The following IL1RAPL1 variants were observed in gnomAD, a reference collection of about 807,000 sequenced individuals.
IL1RAPL1 encodes the protein interleukin-1 receptor accessory protein-like 1.
In IL1RAPL1, 3 loss-of-function variants were observed where a neutral mutation model predicts 48.4. The ratio of observed to expected loss-of-function variants is 0.06; its 90% CI spans 0.03 to 0.16. IL1RAPL1 has a LOEUF of 0.16. IL1RAPL1 is among the 10% of genes least tolerant of loss of function. IL1RAPL1 has a pLI of 1.00. For missense variants in IL1RAPL1, 349 were observed against 530.6 expected (o/e 0.66, Z 3.36); for synonymous variants, 185 against 187.7 (o/e 0.99, Z 0.12).
At chrX:29,928,403 CCTT>C (rs141905634) in intron 8 of IL1RAPL1, among the ~76,000 whole-genome samples, 5,745 of 111,749 alleles carry the variant, frequency 0.051, 138 homozygotes, top group Middle Eastern at 0.083. Flanking sequence ...CCTCACTCCT[CCTT>C]CTCAGAACCA....
At chrX:29,562,087 ATCTGTCT>A (rs1267409470) in intron 5 of IL1RAPL1, among the ~76,000 whole-genome samples, 855 of 75,503 alleles carry the variant, frequency 0.011, 18 homozygotes, top group African/African-American at 0.045. Flanking sequence ...TATCTAATCT[ATCTGTCT>A]ATCTATCTAT....
intron 6 of IL1RAPL1, among the ~76,000 whole-genome samples, chrX:29,702,358 C>G (rs1182725122): frequency 9.0e-6 from 1 of 110,997 alleles, no homozygotes; most frequent in East Asian, 2.8e-4. Flanking sequence ...GAGGCTCACA[C>G]AATCACAGGA....
intron 2 of IL1RAPL1, among the ~76,000 whole-genome samples, chrX:28,800,653 T>A (rs1160305031): frequency 9.0e-6 from 1 of 110,543 alleles, no homozygotes; most frequent in Non-Finnish European, 1.9e-5. Context: ...GGAGAAAGTT[T>A]CAAAATGAAA....
chrX:29,779,143 C>A (rs772532643), intron 6 of IL1RAPL1, among the ~76,000 whole-genome samples: 5 of 111,679 alleles, frequency 4.5e-5, no homozygotes, highest in Admixed American at 3.8e-4. Context: ...ATGATAAAAT[C>A]GATGGGCATT....
intron 5 of IL1RAPL1, among the ~76,000 whole-genome samples, chrX:29,638,644 A>G (rs1227973047): frequency 8.9e-6 from 1 of 111,959 alleles, no homozygotes; most frequent in African/African-American, 3.2e-5. Context: ...TTTTGCAAAT[A>G]CATATGGTGG....
chrX:28,995,867 A>G (rs1925712419), intron 2 of IL1RAPL1, among the ~76,000 whole-genome samples: 1 of 110,121 alleles, frequency 9.1e-6, no homozygotes, highest in South Asian at 3.9e-4. Context: ...GTTAATGCAA[A>G]CTTCCACACA....
intron 3 of IL1RAPL1, among the ~76,000 whole-genome samples, chrX:29,310,083 G>A (rs1470382428): frequency 3.1e-5 from 2 of 63,963 alleles, no homozygotes; most frequent in Non-Finnish European, 5.3e-5. Context: ...GACAGAGCGA[G>A]ACTCCGTCTC....
At chrX:29,479,464 A>G (rs887068420) in intron 5 of IL1RAPL1, among the ~76,000 whole-genome samples, 1 of 106,999 alleles carries the variant, frequency 9.3e-6, no homozygotes, top group Non-Finnish European at 1.9e-5. Flanking sequence ...ATGTATAGGA[A>G]AGTAAATTTT....
intron 2 of IL1RAPL1, among the ~76,000 whole-genome samples, chrX:28,921,568 G>A (rs1923617943): frequency 9.0e-6 from 1 of 111,277 alleles, no homozygotes; most frequent in Admixed American, 9.6e-5. Context: ...GCTGTGGGCA[G>A]CTAGCTGAAA....
At chrX:29,689,028 T>C (rs1926708145) in intron 6 of IL1RAPL1, among the ~76,000 whole-genome samples, 1 of 111,495 alleles carries the variant, frequency 9.0e-6, no homozygotes. Context: ...TCTAACTCTT[T>C]GTAGTGAATT....
intron 2 of IL1RAPL1, among the ~76,000 whole-genome samples, chrX:29,167,516 A>G (rs191571372): frequency 5.4e-5 from 6 of 110,459 alleles, no homozygotes; most frequent in African/African-American, 2.0e-4. Context: ...TTTCTACTAT[A>G]TGATTCAAAA....
chrX:29,036,280 C>T (rs1277614759), intron 2 of IL1RAPL1, among the ~76,000 whole-genome samples: 1 of 112,319 alleles, frequency 8.9e-6, no homozygotes, highest in Non-Finnish European at 1.9e-5. Flanking sequence ...TTCTTATACT[C>T]TTTCCACCTG....
chrX:29,920,794 C>CAAAAAAAAAAAAAAAAAAAAAA (rs1176529100), intron 8 of IL1RAPL1, among the ~76,000 whole-genome samples: 6 of 31,636 alleles, frequency 1.9e-4, no homozygotes, highest in Non-Finnish European at 3.2e-4. Context: ...GACCCTGTCT[C>CAAAAAAAAAAAAAAAAAAAAAA]AAAAAAAAAA....
rs143440873 is a variant in IL1RAPL1, at chrX:28,667,297, C to G, written c.-25+79250C>G. Among the ~76,000 whole-genome samples, 434 of 112,212 alleles carry G rather than the reference C, an allele frequency of 3.9e-3. 2 individuals carry two copies. The highest frequency in any genetic ancestry group is 0.013 in the African/African-American group (416 of 30,917). On this transcript the variant is annotated intron_variant, in intron 1 of 10. Coordinates refer to ENST00000378993, the MANE Select transcript of IL1RAPL1 (RefSeq NM_014271.4). ...GTAAAATAATCTTTGTAAAATAGGT[C>G]ACAAACTGGGTCTGCCTGAATCTTA...
intron 2 of IL1RAPL1, among the ~76,000 whole-genome samples, chrX:29,163,439 G>A (rs1261756906): frequency 8.9e-6 from 1 of 111,824 alleles, no homozygotes; most frequent in African/African-American, 3.3e-5. Flanking sequence ...AGGAGTTTGT[G>A]CTTAAATTGA....
At chrX:29,129,078 T>C (rs184892696) in intron 2 of IL1RAPL1, among the ~76,000 whole-genome samples, 171 of 101,109 alleles carry the variant, frequency 1.7e-3, no homozygotes, top group Non-Finnish European at 3.0e-3. Flanking sequence ...AGTTTCACTC[T>C]TGTTGCCCAG....
At chrX:28,695,571 G>A (rs1935220843) in intron 1 of IL1RAPL1, among the ~76,000 whole-genome samples, 1 of 111,458 alleles carries the variant, frequency 9.0e-6, no homozygotes, top group African/African-American at 3.3e-5. Flanking sequence ...TTTTTACTTA[G>A]GAGTATAAAA....
chrX:28,952,211 A>C (rs1924487924), intron 2 of IL1RAPL1, among the ~76,000 whole-genome samples: 1 of 111,337 alleles, frequency 9.0e-6, no homozygotes, highest in African/African-American at 3.2e-5. Context: ...ACACATTTCC[A>C]AAAATTTATA....
At chrX:29,019,066 G>A (rs918696960) in intron 2 of IL1RAPL1, among the ~76,000 whole-genome samples, 2 of 111,669 alleles carry the variant, frequency 1.8e-5, no homozygotes, top group African/African-American at 3.3e-5. Flanking sequence ...TGAGTGCCCA[G>A]TGAAGGGGCA....
Sources: allele counts gnomAD v4.1 joint callset (sites outside exome capture counted in the v4.1 genomes callset), GRCh38; gene constraint gnomAD v4.1.1; transcripts MANE v1.5; gene names NCBI Gene and HGNC (gene_info 2026-07-23, HGNC 2026-07-21).